The following PALB2 variants were observed in gnomAD, a reference collection of about 807,000 sequenced individuals.
The protein encoded by PALB2 is mutant partner and localizer of BRCA2.
PALB2 carries 82 observed loss-of-function variants against 107.4 expected under a neutral mutation model. The observed-to-expected ratio is 0.76, with a 90% CI of 0.64 to 0.92. PALB2 has a LOEUF of 0.92. PALB2 is among the 40% of genes least tolerant of loss of function. The probability of loss-of-function intolerance (pLI) is 0.00; values close to 1 mark genes in which losing one functional copy is unlikely to be tolerated. For missense variants in PALB2, 1,374 were observed against 1,379.9 expected (o/e 1.00, Z 0.07); for synonymous variants, 489 against 496.8 (o/e 0.98, Z 0.21).
At chr16:23,607,155 CTCAG>C (rs1285333093) in intron 12 of PALB2, among the ~76,000 whole-genome samples, 1 of 152,074 alleles carries the variant, frequency 6.6e-6, no homozygotes, top group Non-Finnish European at 1.5e-5. Flanking sequence ...ATGATAGAGG[CTCAG>C]TCAAACTCAG....
In PALB2 at chr16:23,635,352, C is replaced by A. The variant is rs61755173; in HGVS notation, c.1194G>T (p.Val398=). ...CTGCAGGAAACAGAAGGCCTTCAGG[C>A]ACTGTGCAAGAATGTTTTTCTGCAG... ...PLSAEKHSCT[V]PEGLLFPAEY... is the part of the protein sequence containing the mutation. The change falls in exon 4 of 13, where the codon GTG becomes GTT. Residue 398 remains valine, a synonymous_variant. Transcript: ENST00000261584. 6.2e-7 allele frequency: 1 copy of A among 1,613,992 alleles called. No individual in the cohort carries two copies. Among genetic ancestry groups the A allele is most frequent in the Non-Finnish European group, 8.5e-7 (1 of 1,180,032 alleles).
At chr16:23,627,328 A>T (rs1597086299) in intron 6 of PALB2, among the ~76,000 whole-genome samples, 1 of 151,802 alleles carries the variant, frequency 6.6e-6, no homozygotes, top group Non-Finnish European at 1.5e-5. Flanking sequence ...TCTACTAAAA[A>T]TACAAAAAAT....
chr16:23,618,960 T>C (rs1966728068), intron 10 of PALB2, among the ~76,000 whole-genome samples: 1 of 152,160 alleles, frequency 6.6e-6, no homozygotes, highest in South Asian at 2.1e-4. Flanking sequence ...TTTCAGAGGC[T>C]TTCTGGTGGG....
rs2142442134 is a variant in PALB2 at position 23,636,054 on chromosome 16, A to T, written c.492T>A (p.Phe164Leu). The T allele has an allele frequency of 6.2e-7, 1 of 1,614,076 alleles. No homozygotes were observed. Among genetic ancestry groups the T allele is most frequent in the Non-Finnish European group, 8.5e-7 (1 of 1,180,022 alleles). The change falls in exon 4 of 13, where the codon TTT (phenylalanine) becomes TTA (leucine). Residue 164 changes from phenylalanine (F) to leucine (L), a missense_variant. Coordinates refer to ENST00000261584, the MANE Select transcript of PALB2 (RefSeq NM_024675.4). Reference protein sequence around the residue: ...TFISQERDCVFGTDSLRLSGK... With the variant: ...TFISQERDCVLGTDSLRLSGK... ...CAGACAATCTGAGTGAATCAGTGCC[A>T]AAGACACAGTCTCTCTCCTGTGAAA...
At chr16:23,634,826 A>G in intron 4 of PALB2, 36 bp downstream of exon 4, 1 of 1,590,444 alleles carries the variant, frequency 6.3e-7, no homozygotes, top group Middle Eastern at 1.7e-4. Flanking sequence ...AACTTTCATC[A>G]TCATCATCAT....
chr16:23,611,124 C>CT lies in PALB2; in HGVS notation c.3201+2879_3201+2880insA, dbSNP rs35972819. ...TCTATCTATCTATCTATCTATCTAT[C>CT]AATCTATCTATTCGTTGTTGTTGTT... On this transcript the variant is annotated intron_variant, in intron 11 of 12. Transcript: ENST00000261584. Among the ~76,000 whole-genome samples, 179 of 142,028 alleles carry CT rather than the reference C, an allele frequency of 1.3e-3. 1 individual carries two copies. The highest frequency in any genetic ancestry group is 4.4e-3 in the African/African-American group (167 of 38,002). The allele number at this position is 142,028 out of a possible 152,430, so 93.2% of individuals were successfully genotyped here. A position where few individuals can be genotyped will look rare whatever the true frequency, so the allele number is the denominator to read the frequency against.
In PALB2 at chr16:23,607,958, G is replaced by A. The variant is rs587776527; in HGVS notation, c.3256C>T (p.Arg1086Ter). The change falls in exon 12 of 13, where the codon CGA becomes TGA. Residue 1086 changes from arginine (R) to a stop codon, truncating the protein, a stop_gained. Coordinates refer to ENST00000261584, the MANE Select transcript of PALB2 (RefSeq NM_024675.4). LOFTEE classifies it high-confidence loss of function. ...ACAATGAGCTGAAACACAGGGCTTC[G>A]CAACGACTCACTCTCTTTGGCACAG... Reference protein sequence around the residue: ...HPCAKESESLRSPVFQLIVIN... With the variant: ...HPCAKESESL 26 of 1,614,006 alleles carry A rather than the reference G, an allele frequency of 1.6e-5. No homozygotes were observed. Among genetic ancestry groups the A allele is most frequent in the Non-Finnish European group, 2.0e-5 (24 of 1,179,940 alleles).
At chr16:23,607,756 A>G (rs893481258) in intron 12 of PALB2, 108 bp downstream of exon 12, 5 of 1,296,890 alleles carry the variant, frequency 3.9e-6, no homozygotes, top group Non-Finnish European at 5.6e-6. Flanking sequence ...GATATATAGT[A>G]TTTCATGTTT....
chr16:23,622,939 T>G, intron 9 of PALB2, 30 bp downstream of exon 9: 1 of 1,612,718 alleles, frequency 6.2e-7, no homozygotes. Flanking sequence ...CTTCATCTAA[T>G]AGTTAAAAAT....
At chr16:23,640,654 A>G (rs1967205261) in intron 1 of PALB2, 1 of 245,602 alleles carries the variant, frequency 4.1e-6, no homozygotes, top group Non-Finnish European at 8.0e-6. Flanking sequence ...AACCATTCAG[A>G]TCATACCATT....
At chr16:23,609,376 G>A (rs1021864695) in intron 11 of PALB2, among the ~76,000 whole-genome samples, 2 of 152,144 alleles carry the variant, frequency 1.3e-5, no homozygotes, top group African/African-American at 2.4e-5. Context: ...AGTGAGCTAT[G>A]ATGGTGCCAC....
chr16:23,607,988 G>A lies in PALB2; in HGVS notation c.3226C>T (p.His1076Tyr), dbSNP rs1555458224. The A allele has an allele frequency of 2.5e-6, 4 of 1,614,016 alleles. No homozygotes were observed. The East Asian group carries it at 8.9e-5, about 36-fold the overall frequency. The change falls in exon 12 of 13, where the codon CAT becomes TAT. Residue 1076 changes from histidine to tyrosine, a missense_variant. His to Tyr is a moderately conservative substitution (Grantham distance 83, BLOSUM62 2). Coordinates refer to ENST00000261584, the MANE Select transcript of PALB2 (RefSeq NM_024675.4). ...GACTCACTCTCTTTGGCACAGGGAT[G>A]ACTCAGGACAATAAAGAGAAGCCCC... ...EMGLLFIVLS[H>Y]PCAKESESLR...
At chr16:23,639,543 G>C (rs991205192) in intron 1 of PALB2, among the ~76,000 whole-genome samples, 1 of 149,324 alleles carries the variant, frequency 6.7e-6, no homozygotes, top group Non-Finnish European at 1.5e-5. Context: ...AAAAAGGCCG[G>C]GTGCAGTGGC....
At chr16:23,640,416 G>C (rs571420770) in intron 1 of PALB2, 1 of 201,762 alleles carries the variant, frequency 5.0e-6, no homozygotes, top group East Asian at 7.7e-5. Flanking sequence ...AGGCAGGAGA[G>C]TCGCTTGATC....
intron 4 of PALB2, among the ~76,000 whole-genome samples, chr16:23,631,869 C>T (rs551637744): frequency 2.0e-5 from 3 of 152,216 alleles, no homozygotes; most frequent in East Asian, 3.9e-4. Flanking sequence ...TGTTTCAAGA[C>T]GAGGTCTCAC....
Position 23,635,613 on chromosome 16 carries a change from T to C in PALB2, c.933A>G (p.Lys311=). 6.2e-7 allele frequency: 1 copy of C among 1,614,016 alleles called. No homozygotes were observed. The highest frequency in any genetic ancestry group is 8.5e-7 in the Non-Finnish European group (1 of 1,179,924). The change falls in exon 4 of 13, where the codon AAA becomes AAG. Residue 311 remains lysine, a synonymous_variant. Transcript: ENST00000261584. Reference sequence around the variant, plus strand: ...TAGAACTTGTGGGCAGTTGGCCACTTTTACTTATAGCTTTATTTACAAGGA... The same window carrying C: ...TAGAACTTGTGGGCAGTTGGCCACTCTTACTTATAGCTTTATTTACAAGGA... ...DNLLVNKAIS[K]SGQLPTSSNL... is the part of the protein sequence containing the mutation.
At chr16:23,610,424 T>G (rs763957869) in intron 11 of PALB2, among the ~76,000 whole-genome samples, 2 of 151,328 alleles carry the variant, frequency 1.3e-5, no homozygotes, top group Non-Finnish European at 2.9e-5. Context: ...TTCTCCTTCC[T>G]CAGCCTCCCA....
At chr16:23,640,675 C>T (rs1967206404) in intron 1 of PALB2, 1 of 251,114 alleles carries the variant, frequency 4.0e-6, no homozygotes, top group Admixed American at 5.0e-5. Context: ...TATGAACATT[C>T]CCTTCTCCAA....
intron 12 of PALB2, among the ~76,000 whole-genome samples, chr16:23,605,541 T>C (rs146948102): frequency 2.3e-3 from 345 of 152,260 alleles, no homozygotes; most frequent in Admixed American, 6.1e-3. Flanking sequence ...CCCCAATAGC[T>C]GGGATTACTG....
Sources: gnomAD v4.1 joint callset for allele counts (sites outside exome capture counted in the v4.1 genomes callset) on GRCh38, gnomAD v4.1.1 for gene constraint, MANE v1.5 for transcripts, NCBI Gene and HGNC (gene_info 2026-07-23, HGNC 2026-07-21) for gene names.